Variants in CHPT1 observed in about 807,000 individuals in gnomAD.
CHPT1 encodes the protein cholinephosphotransferase 1.
A neutral mutation model predicts 47.6 loss-of-function variants in CHPT1; 36 were observed. The observed-to-expected ratio is 0.76, with a 90% CI of 0.58 to 1.00. The LOEUF is 1.00. CHPT1 is among the 50% of genes least tolerant of loss of function. The pLI is 0.00. For missense variants in CHPT1, 458 were observed against 498.1 expected (o/e 0.92, Z 0.77); for synonymous variants, 194 against 186.3 (o/e 1.04, Z -0.33).
At chr12:101,713,058 C>T (rs753283339) in intron 1 of CHPT1, among the ~76,000 whole-genome samples, 4 of 148,130 alleles carry the variant, frequency 2.7e-5, no homozygotes, top group African/African-American at 4.9e-5. Context: ...TACTTGGATC[C>T]TTTTGAGGCT....
chr12:101,720,339 G>C, intron 5 of CHPT1, 85 bp downstream of exon 5: 4 of 1,155,254 alleles, frequency 3.5e-6, no homozygotes, highest in Non-Finnish European at 5.0e-6. Flanking sequence ...ATATGCCAAA[G>C]TTCAAGAATG....
At chr12:101,698,374 C>T (rs919812782) in intron 1 of CHPT1, among the ~76,000 whole-genome samples, 1 of 152,236 alleles carries the variant, frequency 6.6e-6, no homozygotes. Flanking sequence ...AAGGTCACTG[C>T]CCCAGGTCCT....
chr12:101,698,070 G>A lies in CHPT1; in HGVS notation c.209G>A (p.Gly70Glu), dbSNP rs758979498. The change falls in exon 1 of 9, where the codon GGG becomes GAG. Residue 70 changes from glycine (G) to glutamate (E), a missense_variant. Transcript: ENST00000229266. Reference sequence around the variant, plus strand: ...GCCCCCAACTCCATCACCCTGCTGGGGCTCGCCGTCAACGTGGTCACCACG... The same window carrying A: ...GCCCCCAACTCCATCACCCTGCTGGAGCTCGCCGTCAACGTGGTCACCACG... ...WMAPNSITLL[G>E]LAVNVVTTLV... The A allele has an allele frequency of 6.4e-7, 1 of 1,570,194 alleles. No homozygotes were observed. The highest frequency in any genetic ancestry group is 2.5e-5 in the East Asian group (1 of 40,796).
intron 5 of CHPT1, among the ~76,000 whole-genome samples, chr12:101,722,573 C>T (rs1430513027): frequency 2.0e-5 from 3 of 151,820 alleles, no homozygotes; most frequent in Non-Finnish European, 2.9e-5. Flanking sequence ...CTAGGATAAG[C>T]TGGGTGTGGT....
intron 1 of CHPT1, among the ~76,000 whole-genome samples, chr12:101,710,282 G>A (rs1397994665): frequency 6.7e-6 from 1 of 149,082 alleles, no homozygotes; most frequent in African/African-American, 2.4e-5. Context: ...GGAGGCGGAT[G>A]TTGCAGTGAG....
At chr12:101,726,763 T>C in intron 8 of CHPT1, 1 of 292,092 alleles carries the variant, frequency 3.4e-6, no homozygotes, top group Non-Finnish European at 6.3e-6. Flanking sequence ...TACATAAATA[T>C]TCAGAACATA....
At chr12:101,715,276 A>C (rs1239476221) in intron 3 of CHPT1, among the ~76,000 whole-genome samples, 1 of 152,172 alleles carries the variant, frequency 6.6e-6, no homozygotes, top group East Asian at 1.9e-4. Context: ...GATCCTTTTA[A>C]GAACTTTGTC....
At position 101,723,313 on chromosome 12, in the gene CHPT1, C is replaced by T; in HGVS notation, c.926C>T (p.Ser309Leu). 1 of 1,590,058 alleles carries T rather than the reference C, an allele frequency of 6.3e-7. No homozygotes were observed. Among genetic ancestry groups the T allele is most frequent in the Non-Finnish European group, 8.5e-7 (1 of 1,170,198 alleles). ...LMFGCVFAKV[S>L]QKLVVAHMTK... ...TTTGGATGTGTCTTTGCTAAAGTCT[C>T]ACAAAAATTAGTGGTAAGAAATTTT... Residue 309 changes from serine (S) to leucine (L), a missense_variant, in exon 6 of 9, where the codon TCA becomes TTA. Coordinates refer to ENST00000229266, the MANE Select transcript of CHPT1 (RefSeq NM_020244.3).
intron 8 of CHPT1, chr12:101,728,658 T>C (rs1326097467): frequency 2.4e-6 from 1 of 413,958 alleles, no homozygotes; most frequent in Non-Finnish European, 4.3e-6. Flanking sequence ...TAAAATTAAA[T>C]CGTCTTTATT....
At chr12:101,710,760 A>G (rs1222214389) in intron 1 of CHPT1, among the ~76,000 whole-genome samples, 1 of 148,842 alleles carries the variant, frequency 6.7e-6, no homozygotes, top group African/African-American at 2.4e-5. Context: ...AGAGGTCAGA[A>G]TTAAGCTTTC....
At chr12:101,701,387 TAAC>T (rs1350040413) in intron 1 of CHPT1, among the ~76,000 whole-genome samples, 1 of 152,236 alleles carries the variant, frequency 6.6e-6, no homozygotes, top group Non-Finnish European at 1.5e-5. Flanking sequence ...TGACAATAAC[TAAC>T]TTTTACTGGA....
At chr12:101,716,876 T>G in intron 4 of CHPT1, 64 bp downstream of exon 4, 2 of 1,007,424 alleles carry the variant, frequency 2.0e-6, no homozygotes, top group Non-Finnish European at 2.8e-6. Flanking sequence ...AAGTATTGCA[T>G]TGTTAATTTT....
chr12:101,716,672 A>G, intron 3 of CHPT1, 56 bp from the exon 4 acceptor site: 1 of 1,108,678 alleles, frequency 9.0e-7, no homozygotes. Context: ...ATGAACCTCC[A>G]TATTCAGGAA....
Position 101,697,881 on chromosome 12 carries a change from C to A in CHPT1, c.20C>A (p.Ala7Asp). MAAGAG[A>D]GSAPRWLRAL... ...GCGGCCATGGCGGCAGGCGCCGGGG[C>A]CGGGTCCGCGCCGCGCTGGCTGAGG... Residue 7 changes from alanine (A) to aspartate (D), a missense_variant, in exon 1 of 9, where the codon GCC becomes GAC. Coordinates refer to ENST00000229266, the MANE Select transcript of CHPT1 (RefSeq NM_020244.3). The A allele has an allele frequency of 3.3e-6, 4 of 1,208,612 alleles. No homozygotes were observed. The highest frequency in any genetic ancestry group is 4.1e-6 in the Non-Finnish European group (4 of 974,262). The allele number at this position is 1,208,612 out of a possible 1,614,324, so 74.9% of individuals were successfully genotyped here.
rs527849221 is a variant in CHPT1 at position 101,715,295 on chromosome 12, AT to A, written c.563+654del. On this transcript the variant is annotated intron_variant, in intron 3 of 8. Coordinates refer to ENST00000229266, the MANE Select transcript of CHPT1 (RefSeq NM_020244.3). ...CTTTTAAGAACTTTGTCATTTGCTC[AT>A]TTTGGCTTTGGCTTCCCATGCCTAC... Among the ~76,000 whole-genome samples the A allele has an allele frequency of 3.4e-3, 516 of 152,226 alleles. 2 individuals carry two copies. Among genetic ancestry groups the A allele is most frequent in the Non-Finnish European group, 5.7e-3 (386 of 67,990 alleles).
chr12:101,708,334 TG>T lies in CHPT1; in HGVS notation c.274-5753del, dbSNP rs199605031. Among the ~76,000 whole-genome samples the T allele has an allele frequency of 1.4e-4, 22 of 152,174 alleles. No individual in the cohort carries two copies. In the South Asian group the frequency reaches 3.1e-3, roughly 22 times the overall value. On this transcript the variant is annotated intron_variant, in intron 1 of 8. Coordinates refer to ENST00000229266, the MANE Select transcript of CHPT1 (RefSeq NM_020244.3). ...GAAAAACAATTTAAATTTTAATCAG[TG>T]GGTTTTTTTTTAATGACAAGGGGTT...
chr12:101,710,350 CA>C (rs1951688737), intron 1 of CHPT1, among the ~76,000 whole-genome samples: 1 of 148,188 alleles, frequency 6.7e-6, no homozygotes, highest in African/African-American at 2.4e-5. Flanking sequence ...GTCTCAAGAA[CA>C]AAAAAAGGAA....
chr12:101,726,361 A>C lies in CHPT1; in HGVS notation c.1133A>C (p.His378Pro). 1 of 1,613,308 alleles carries C rather than the reference A, an allele frequency of 6.2e-7. No individual in the cohort carries two copies. The highest frequency in any genetic ancestry group is 8.5e-7 in the Non-Finnish European group (1 of 1,179,544). Residue 378 changes from histidine (H) to proline (P), a missense_variant, in exon 8 of 9, where the codon CAT (histidine) becomes CCT (proline). By Grantham distance (77) the His-to-Pro change is moderately conservative. Transcript: ENST00000229266. ...ALCLQISRHL[H>P]LNIFKTACHQ... is the part of the protein sequence containing the mutation. The stretch of plus-strand genomic sequence containing the variant: ...TGCCTGCAAATTTCAAGACACCTTC[A>C]TCTAAATATATTCAAGACTGCATGT...
rs906150917 is a variant in CHPT1, at chr12:101,697,757, C to T, written c.-105C>T. The T allele has an allele frequency of 1.7e-5, 5 of 302,252 alleles. No homozygotes were observed. The highest frequency in any genetic ancestry group is 2.5e-5 in the Non-Finnish European group (5 of 201,104). The allele number at this position is 302,252 out of a possible 1,614,324, so 18.7% of individuals were successfully genotyped here. A position where few individuals can be genotyped will look rare whatever the true frequency, so the allele number is the denominator to read the frequency against. On this transcript the variant is annotated 5_prime_UTR_variant, in exon 1 of 9. Coordinates refer to ENST00000229266, the MANE Select transcript of CHPT1 (RefSeq NM_020244.3). The stretch of plus-strand genomic sequence containing the variant: ...GCGGGCCCGACCGGTGAGTCCAGCC[C>T]GGCAGTCGCAGGACCCGGCCGCCAG...
Sources: allele counts gnomAD v4.1 joint callset (sites outside exome capture counted in the v4.1 genomes callset), GRCh38; gene constraint gnomAD v4.1.1; transcripts MANE v1.5; gene names NCBI Gene and HGNC (gene_info 2026-07-23, HGNC 2026-07-21).